PAX2: variants seen among roughly 807,000 people sequenced by gnomAD.
PAX2 encodes paired box protein Pax-2.
In PAX2, 9 loss-of-function variants were observed where a neutral mutation model predicts 41.7. The observed-to-expected ratio is 0.22, with a 90% CI of 0.13 to 0.38. PAX2 has a LOEUF of 0.38. Among genes scored for constraint, PAX2 ranks in the 10% least tolerant of loss-of-function variants. The probability of loss-of-function intolerance (pLI) is 1.00; values close to 1 mark genes in which losing one functional copy is unlikely to be tolerated. For synonymous variants in PAX2, 221 were observed against 212.7 expected, an observed-to-expected ratio of 1.04 and a Z score of -0.34; for missense variants, 418 against 531.6, an observed-to-expected ratio of 0.79 and a Z score of 2.10.
intron 7 of PAX2, among the ~76,000 whole-genome samples, chr10:100,823,760 C>T (rs1434290948): frequency 1.3e-5 from 2 of 152,054 alleles, no homozygotes; most frequent in East Asian, 1.9e-4. Flanking sequence ...GAGGTGGTGG[C>T]CCCTTCATAG....
upstream of PAX2, among the ~76,000 whole-genome samples, chr10:100,740,630 C>T (rs1844920349): frequency 6.6e-6 from 1 of 152,342 alleles, no homozygotes; most frequent in Middle Eastern, 3.4e-3. Flanking sequence ...TTGCAAAATG[C>T]CTATTGATTA....
intron 7 of PAX2, among the ~76,000 whole-genome samples, chr10:100,817,447 G>T (rs1026784917): frequency 6.6e-6 from 1 of 152,050 alleles, no homozygotes; most frequent in African/African-American, 2.4e-5. Flanking sequence ...CTCCTGTGAG[G>T]CCCTGAGCCA....
intron 3 of PAX2, among the ~76,000 whole-genome samples, chr10:100,763,339 T>G (rs1003142365): frequency 2.0e-5 from 3 of 152,238 alleles, no homozygotes; most frequent in African/African-American, 7.2e-5. Context: ...CATAATTGAT[T>G]GAATTTCTCA....
chr10:100,742,843 C>CTTTTTTTTTTTTTTTTTTTTT (rs61627823), upstream of PAX2, among the ~76,000 whole-genome samples: 50 of 41,258 alleles, frequency 1.2e-3, 18 homozygotes, highest in South Asian at 2.3e-3. Flanking sequence ...TTCTTTCTTC[C>CTTTTTTTTTTTTTTTTTTTTT]TTTTTTTTTT....
At chr10:100,796,445 A>G (rs575006037) in intron 5 of PAX2, among the ~76,000 whole-genome samples, 27 of 152,302 alleles carry the variant, frequency 1.8e-4, no homozygotes, top group African/African-American at 6.5e-4. Flanking sequence ...TCCTTTTAAA[A>G]TCTGGGATCA....
rs934663711 is a variant in PAX2 at position 100,748,535 on chromosome 10, G to T, written c.44-1211G>T. The T allele has an allele frequency of 1.0e-6, 1 of 985,394 alleles. No individual in the cohort carries two copies. Among genetic ancestry groups the T allele is most frequent in the Non-Finnish European group, 1.2e-6 (1 of 829,930 alleles). 61.0% of individuals were successfully genotyped at this position (985,394 alleles called of 1,614,324 possible). A position where few individuals can be genotyped will look rare whatever the true frequency, so the allele number is the denominator to read the frequency against. Reference sequence around the variant, plus strand: ...GGGCTGCAGCTTGCCAGTCCGGGCCGACCCGACTCGGCCGCTAGAAGTCTC... The same window carrying T: ...GGGCTGCAGCTTGCCAGTCCGGGCCTACCCGACTCGGCCGCTAGAAGTCTC... On this transcript the variant is annotated intron_variant, in intron 1 of 9. Coordinates refer to ENST00000355243, the MANE Select transcript of PAX2 (RefSeq NM_000278.5). This position sits in a 1 kb window ranked among gnomAD's most constrained non-coding sequence, Gnocchi z 5.0.
Position 100,781,377 on chromosome 10 carries a change from G to A in PAX2, c.616+12G>A, listed in dbSNP as rs923728511. 6.2e-7 allele frequency: 1 copy of A among 1,614,000 alleles called. No homozygotes were observed. Among genetic ancestry groups the A allele is most frequent in the Non-Finnish European group, 8.5e-7 (1 of 1,179,892 alleles). On this transcript the variant is annotated intron_variant, in intron 5 of 9. Coordinates refer to ENST00000355243, the MANE Select transcript of PAX2 (RefSeq NM_000278.5). Reference sequence around the variant, plus strand: ...GAAACGTGATGAAGGTAGGGAGGAGGGAAGAGGTGTGGCTTCCCCTTCACA... The same window carrying A: ...GAAACGTGATGAAGGTAGGGAGGAGAGAAGAGGTGTGGCTTCCCCTTCACA...
At chr10:100,740,213 G>A (rs542124187) in intron 1 of PAX2, among the ~76,000 whole-genome samples, 12 of 152,332 alleles carry the variant, frequency 7.9e-5, no homozygotes, top group African/African-American at 2.4e-4. Context: ...GGTTTTGGCG[G>A]ACTGGCTGAA....
rs1194211962 is a variant in PAX2 at position 100,828,384 on chromosome 10, TC to T, written c.*769del. The T allele has an allele frequency of 1.2e-4, 29 of 233,416 alleles. No individual in the cohort carries two copies. The highest frequency in any genetic ancestry group is 5.9e-5 in the Non-Finnish European group (7 of 118,396). 14.5% of individuals were successfully genotyped at this position (233,416 alleles called of 1,614,324 possible). ...CACTGCTCCTCCTGGCCTGCCTAGT[TC>T]CCCAGGGCCCGGCACCTCCTGCTGC... On this transcript the variant is annotated 3_prime_UTR_variant, in exon 10 of 10. Coordinates refer to ENST00000355243, the MANE Select transcript of PAX2 (RefSeq NM_000278.5). The surrounding 1 kb of genome is among the most constrained non-coding windows in gnomAD (Gnocchi z 6.5).
intron 7 of PAX2, among the ~76,000 whole-genome samples, chr10:100,822,270 C>T (rs1848398882): frequency 6.6e-6 from 1 of 152,010 alleles, no homozygotes; most frequent in African/African-American, 2.4e-5. Flanking sequence ...TATATGAGTC[C>T]CTCACTGTAA....
chr10:100,758,762 C>CCAG (rs10649063), intron 3 of PAX2, among the ~76,000 whole-genome samples: 7,929 of 152,298 alleles, frequency 0.052, 576 homozygotes, highest in African/African-American at 0.16. Flanking sequence ...CATCCATTGG[C>CCAG]CAGCATTCAG....
chr10:100,768,382 G>T (rs1846094119), intron 3 of PAX2, among the ~76,000 whole-genome samples: 1 of 152,144 alleles, frequency 6.6e-6, no homozygotes, highest in South Asian at 2.1e-4. Context: ...CTAGATAGAT[G>T]AAAATAATTT....
chr10:100,789,618 A>T (rs1322930530), intron 5 of PAX2, among the ~76,000 whole-genome samples: 2 of 152,196 alleles, frequency 1.3e-5, no homozygotes, highest in Non-Finnish European at 2.9e-5. Flanking sequence ...TTCATTTTCC[A>T]ACTCATACCC....
Position 100,829,100 on chromosome 10 carries a change from A to G in PAX2, c.*1481A>G, listed in dbSNP as rs1028570182. The G allele has an allele frequency of 1.7e-5, 4 of 231,110 alleles. No homozygotes were observed. The allele number at this position is 231,110 out of a possible 1,614,324, so 14.3% of individuals were successfully genotyped here. A position where few individuals can be genotyped will look rare whatever the true frequency, so the allele number is the denominator to read the frequency against. ...GGGGGCATTTTTTATGTTACAAAAAAAAATTACGAAAGAAAAGAAATCTCT... is the reference window on the plus strand; with the variant it reads ...GGGGGCATTTTTTATGTTACAAAAAGAAATTACGAAAGAAAAGAAATCTCT... On this transcript the variant is annotated 3_prime_UTR_variant, in exon 10 of 10. Coordinates refer to ENST00000355243, the MANE Select transcript of PAX2 (RefSeq NM_000278.5).
chr10:100,739,014 G>GACACACACACACACACACACACAC (rs61617727), intron 1 of PAX2, among the ~76,000 whole-genome samples: 10 of 138,264 alleles, frequency 7.2e-5, no homozygotes, highest in Admixed American at 7.1e-4. Flanking sequence ...CGCGCACGCG[G>GACACACACACACACACACACACAC]ACACACACAC....
At chr10:100,757,777 C>T (rs1247523554) in intron 3 of PAX2, among the ~76,000 whole-genome samples, 3 of 152,178 alleles carry the variant, frequency 2.0e-5, no homozygotes. Context: ...CTGCAGAAGG[C>T]TTGGGGTGTA....
chr10:100,768,961 C>G (rs949236155), intron 3 of PAX2, among the ~76,000 whole-genome samples: 5 of 152,228 alleles, frequency 3.3e-5, no homozygotes, highest in African/African-American at 1.2e-4. Context: ...GCCTTTCATA[C>G]AGTGAATATG....
chr10:100,809,066 T>C, intron 6 of PAX2, 44 bp from the exon 7 acceptor site: 1 of 1,600,398 alleles, frequency 6.2e-7, no homozygotes, highest in Non-Finnish European at 8.6e-7. Flanking sequence ...CCTTTCTCTG[T>C]GCGTGCATCA....
intron 5 of PAX2, among the ~76,000 whole-genome samples, chr10:100,787,529 GT>G (rs2059636380): frequency 6.6e-6 from 1 of 152,152 alleles, no homozygotes; most frequent in Admixed American, 6.5e-5. Flanking sequence ...TCTTGGCAAG[GT>G]GAAAGAAAAT....
Sources: allele counts gnomAD v4.1 joint callset (sites outside exome capture counted in the v4.1 genomes callset), GRCh38; gene constraint gnomAD v4.1.1; non-coding constraint Gnocchi (gnomAD v3.1); transcripts MANE v1.5; gene names NCBI Gene and HGNC (gene_info 2026-07-23, HGNC 2026-07-21).